NBPF9: variants seen among roughly 807,000 people sequenced by gnomAD.
NBPF9 encodes NBPF family member NBPF9.
Under a neutral mutation model 97.8 loss-of-function variants are expected in NBPF9, and 91 were observed. The observed-to-expected ratio is 0.93, with a 90% CI of 0.79 to 1.11. NBPF9 has a LOEUF of 1.11. Ranked by LOEUF, NBPF9 falls within the 50% of genes least tolerant of loss-of-function variation. The pLI is 0.00. For synonymous variants in NBPF9, 334 were observed against 359.5 expected, an observed-to-expected ratio of 0.93 and a Z score of 0.80; for missense variants, 992 against 939.5, an observed-to-expected ratio of 1.06 and a Z score of -0.73.
At chr1:149,086,977 C>T (rs1245208690) in intron 5 of NBPF9, among the ~76,000 whole-genome samples, 1 of 152,056 alleles carries the variant, frequency 6.6e-6, no homozygotes, top group South Asian at 2.1e-4. Flanking sequence ...AGGAGCCATA[C>T]CATTTTTCAT....
intron 4 of NBPF9, among the ~76,000 whole-genome samples, chr1:149,093,048 A>C (rs2081509276): frequency 1.3e-5 from 2 of 151,942 alleles, no homozygotes; most frequent in Non-Finnish European, 2.9e-5. Context: ...GAGTTCCCTT[A>C]GTATTTATTG....
In NBPF9 at chr1:149,064,131, A is replaced by T. The variant is rs1407351102; in HGVS notation, c.1853+300T>A. On this transcript the variant is annotated intron_variant, in intron 19 of 29. Coordinates refer to ENST00000584027, the Ensembl canonical transcript of NBPF9. The stretch of plus-strand genomic sequence containing the variant: ...CTCTCAGGACACACAGTGAACAGTG[A>T]TCATGAAAAGCATGTCCTCAATAAT... Among the ~76,000 whole-genome samples, 5 of 138,786 alleles carry T rather than the reference A, an allele frequency of 3.6e-5. 1 individual carries two copies. In the East Asian group the frequency reaches 8.3e-4, roughly 23 times the overall value. The allele number at this position is 138,786 out of a possible 152,430, so 91.0% of individuals were successfully genotyped here. A position where few individuals can be genotyped will look rare whatever the true frequency, so the allele number is the denominator to read the frequency against.
intron 12 of NBPF9, among the ~76,000 whole-genome samples, chr1:149,074,330 T>C (rs587770105): frequency 5.0e-4 from 76 of 151,568 alleles, no homozygotes; most frequent in African/African-American, 1.8e-3. Flanking sequence ...TTTTTAAATC[T>C]TTGATTTTTA....
chr1:149,070,106 A>T (rs1245573351), intron 16 of NBPF9, among the ~76,000 whole-genome samples: 2 of 138,692 alleles, frequency 1.4e-5, no homozygotes, highest in Admixed American at 1.5e-4. Flanking sequence ...GAATCATTTG[A>T]GGTCATGAGT....
intron 25 of NBPF9, 44 bp from the exon 26 acceptor site, chr1:149,059,141 G>C: frequency 2.4e-6 from 1 of 411,410 alleles, no homozygotes; most frequent in South Asian, 2.5e-5. Flanking sequence ...GGGGGAATCA[G>C]AAACCACACA....
chr1:149,058,753 C>T (rs2152864850), intron 26 of NBPF9, 172 bp downstream of exon 26: 2 of 590,158 alleles, frequency 3.4e-6, no homozygotes, highest in Non-Finnish European at 6.0e-6. Flanking sequence ...TGACCCATTT[C>T]ATGTCTAGGC....
At chr1:149,052,547 TAA>T (rs2077972632), downstream of NBPF9, among the ~76,000 whole-genome samples, 1 of 151,742 alleles carries the variant, frequency 6.6e-6, no homozygotes, top group Admixed American at 6.6e-5. Flanking sequence ...AGGAGAGAAT[TAA>T]GAGGCCTAAT....
chr1:149,072,141 C>A (rs1553653071), intron 14 of NBPF9, among the ~76,000 whole-genome samples: 1 of 150,928 alleles, frequency 6.6e-6, no homozygotes, highest in Admixed American at 6.6e-5. Context: ...GACATTCTAT[C>A]CATGGGGAGT....
At chr1:149,070,893 G>A (rs781825397) in intron 16 of NBPF9, 41 bp downstream of exon 16, 2 of 1,565,322 alleles carry the variant, frequency 1.3e-6, no homozygotes, top group Non-Finnish European at 1.8e-6. Flanking sequence ...ATCTTCCTCA[G>A]CCTAGAGAGA....
chr1:149,068,151 G>A (rs1247404382), intron 17 of NBPF9, among the ~76,000 whole-genome samples: 1 of 148,634 alleles, frequency 6.7e-6, no homozygotes, highest in African/African-American at 2.5e-5. Flanking sequence ...AGGAACAACC[G>A]GTACCAGCCA....
At chr1:149,056,270 C>T (rs1186020370) in intron 29 of NBPF9, among the ~76,000 whole-genome samples, 7 of 136,616 alleles carry the variant, frequency 5.1e-5, no homozygotes, top group East Asian at 2.3e-4. Context: ...GCTCAAAATT[C>T]GATGCAGTGG....
At chr1:149,080,455 G>A (rs1553656366) in intron 7 of NBPF9, among the ~76,000 whole-genome samples, 1 of 150,786 alleles carries the variant, frequency 6.6e-6, no homozygotes, top group African/African-American at 2.4e-5. Context: ...TGAATGCGGG[G>A]CCACTTTCCC....
In NBPF9 at chr1:149,079,284, G is replaced by C; in HGVS notation, c.279-63C>G. On this transcript the variant is annotated intron_variant, in intron 8 of 29. Coordinates refer to ENST00000584027, the Ensembl canonical transcript of NBPF9. ...GGGTTGAGTGATCCGTTCAAATATT[G>C]CAACAGAGACTTCTGAGATAATGTC... 4.7e-6 allele frequency: 6 copies of C among 1,273,984 alleles called. No individual in the cohort carries two copies. The South Asian group carries it at 7.3e-5, about 15-fold the overall frequency. 78.9% of individuals were successfully genotyped at this position (1,273,984 alleles called of 1,614,324 possible).
In NBPF9 at chr1:149,060,270, G is replaced by A; in HGVS notation, c.2476+253C>T. On this transcript the variant is annotated intron_variant, in intron 24 of 29. Coordinates refer to ENST00000584027, the Ensembl canonical transcript of NBPF9. ...TCTCTGAATTTGTCACATCTGCCCA[G>A]GTCCAATGTCATGAGGATAGGATCA... is the stretch of plus-strand genomic sequence containing the variant. The A allele has an allele frequency of 6.2e-6, 2 of 323,556 alleles. 1 individual carries two copies. The allele number at this position is 323,556 out of a possible 1,614,324, so 20.0% of individuals were successfully genotyped here.
intron 25 of NBPF9, 128 bp from the exon 26 acceptor site, chr1:149,059,225 T>C (rs1229570185): frequency 1.4e-5 from 6 of 440,078 alleles, no homozygotes; most frequent in Admixed American, 1.2e-4. Context: ...AATGAGGTAA[T>C]GAATTATTGC....
At position 149,077,924 on chromosome 1, in the gene NBPF9, T is replaced by C. The variant is rs1351843754; in HGVS notation, c.525A>G (p.Gln175=). 2.0e-5 allele frequency: 31 copies of C among 1,519,424 alleles called. 1 individual carries two copies. Among genetic ancestry groups the C allele is most frequent in the Admixed American group, 3.4e-5 (2 of 58,738 alleles). The allele number at this position is 1,519,424 out of a possible 1,614,324, so 94.1% of individuals were successfully genotyped here. Residue 175 remains glutamine, a synonymous_variant, in exon 10 of 30, where the codon CAA becomes CAG. Coordinates refer to ENST00000584027, the Ensembl canonical transcript of NBPF9. ...CCAGTACTTTCTCATCCTCCTCAAC[T>C]TGAACATCTTCATCCTCATCTTCGT...
chr1:149,057,780 G>A (rs1259285054), intron 27 of NBPF9, among the ~76,000 whole-genome samples: 2 of 96,168 alleles, frequency 2.1e-5, no homozygotes, highest in South Asian at 4.5e-4. Context: ...GAGAGAACGA[G>A]CTCAGTGAAT....
Position 149,098,577 on chromosome 1 carries a change from A to C in NBPF9, c.-476T>G. ...AGTGGGAATTGGTGGCACCCCCAGC[A>C]TGGAGGCCAAGAACACACAGCACTG... is the stretch of plus-strand genomic sequence containing the variant. On this transcript the variant is annotated 5_prime_UTR_variant, in exon 4 of 30. The change abolishes an upstream ATG in the 5' untranslated region. Coordinates refer to ENST00000584027, the Ensembl canonical transcript of NBPF9. 1 of 1,437,370 alleles carries C rather than the reference A, an allele frequency of 7.0e-7. No homozygotes were observed. Among genetic ancestry groups the C allele is most frequent in the South Asian group, 1.5e-5 (1 of 66,296 alleles). The allele number at this position is 1,437,370 out of a possible 1,614,324, so 89.0% of individuals were successfully genotyped here.
chr1:149,055,622 C>A (rs782161304), exon 30 of NBPF9: 11 of 1,611,566 alleles, frequency 6.8e-6, no homozygotes, highest in Non-Finnish European at 9.3e-6. Flanking sequence ...GTCCTGCCTG[C>A]AGGAATGACA....
Sources: allele counts gnomAD v4.1 joint callset (sites outside exome capture counted in the v4.1 genomes callset), GRCh38; gene constraint gnomAD v4.1.1; transcripts MANE v1.5; gene names NCBI Gene and HGNC (gene_info 2026-07-23, HGNC 2026-07-21).